The following SORCS2 variants were observed in gnomAD, a reference collection of about 807,000 sequenced individuals.
SORCS2 encodes VPS10 domain-containing receptor SorCS2.
In SORCS2, 100 loss-of-function variants were observed where a neutral mutation model predicts 141.6. That is an observed-to-expected ratio of 0.71 (90% CI 0.60 to 0.83). The LOEUF is 0.83. SORCS2 is among the 40% of genes least tolerant of loss of function. The probability of loss-of-function intolerance (pLI) is 0.00; values close to 1 mark genes in which losing one functional copy is unlikely to be tolerated. For missense variants in SORCS2, 1,646 were observed against 1,560.2 expected (o/e 1.05, Z -0.93); for synonymous variants, 789 against 676.9 (o/e 1.17, Z -2.57).
chr4:7,734,670 G>A (rs974919055), intron 25 of SORCS2, among the ~76,000 whole-genome samples: 1 of 152,196 alleles, frequency 6.6e-6, no homozygotes, highest in African/African-American at 2.4e-5. Flanking sequence ...CACCTCACAG[G>A]GAGGACACTG....
intron 2 of SORCS2, among the ~76,000 whole-genome samples, chr4:7,510,325 C>G (rs1333999913): frequency 6.6e-6 from 1 of 152,220 alleles, no homozygotes; most frequent in African/African-American, 2.4e-5. Context: ...CCCTGCCCTC[C>G]CCAGCTGTGG....
intron 1 of SORCS2, among the ~76,000 whole-genome samples, chr4:7,342,441 A>G (rs932455041): frequency 3.9e-5 from 6 of 152,206 alleles, no homozygotes; most frequent in Non-Finnish European, 7.3e-5. Flanking sequence ...CAGATTCCAC[A>G]GCCGGCCCTG....
chr4:7,488,434 C>A (rs1019128510), intron 2 of SORCS2, among the ~76,000 whole-genome samples: 1 of 152,220 alleles, frequency 6.6e-6, no homozygotes, highest in Non-Finnish European at 1.5e-5. Flanking sequence ...GAGCACTTGT[C>A]CCCATGAGCG....
intron 1 of SORCS2, among the ~76,000 whole-genome samples, chr4:7,302,742 G>A (rs1264620201): frequency 7.1e-6 from 1 of 141,306 alleles, no homozygotes; most frequent in African/African-American, 2.5e-5. Context: ...TGAGAGCAGT[G>A]TCCGGCATCT....
chr4:7,335,748 G>T (rs1719941421), intron 1 of SORCS2, among the ~76,000 whole-genome samples: 1 of 152,256 alleles, frequency 6.6e-6, no homozygotes, highest in African/African-American at 2.4e-5. Context: ...CAAGGAGGTT[G>T]AAAGACTTGC....
intron 3 of SORCS2, among the ~76,000 whole-genome samples, chr4:7,576,067 A>C (rs1372584983): frequency 6.6e-6 from 1 of 152,236 alleles, no homozygotes; most frequent in Non-Finnish European, 1.5e-5. Context: ...ACTGGTGCAC[A>C]GCTGTGTGTG....
rs114783374 is a variant in SORCS2 at position 7,558,074 on chromosome 4, T to A, written c.648+26445T>A. Among the ~76,000 whole-genome samples the A allele has an allele frequency of 2.3e-3, 353 of 152,092 alleles. 2 individuals are homozygous for A. The highest frequency in any genetic ancestry group is 8.1e-3 in the African/African-American group (338 of 41,482). ...GGAGGAGGTGTTGAGTGAGGAGGGGTCCTGGAGCTCTGTCACTGCCCACTG... is the reference window on the plus strand; with the variant it reads ...GGAGGAGGTGTTGAGTGAGGAGGGGACCTGGAGCTCTGTCACTGCCCACTG... On this transcript the variant is annotated intron_variant, in intron 3 of 26. Coordinates refer to ENST00000507866, the MANE Select transcript of SORCS2 (RefSeq NM_020777.3).
At chr4:7,724,669 A>G (rs1426461862) in intron 19 of SORCS2, among the ~76,000 whole-genome samples, 1 of 122,284 alleles carries the variant, frequency 8.2e-6, no homozygotes, top group Non-Finnish European at 1.8e-5. Flanking sequence ...TATGGTGATA[A>G]TGGTGGTAGT....
chr4:7,606,180 T>G (rs1718050543), intron 3 of SORCS2, among the ~76,000 whole-genome samples: 1 of 152,166 alleles, frequency 6.6e-6, no homozygotes, highest in South Asian at 2.1e-4. Flanking sequence ...GATGGAAAGA[T>G]CTTACCTGAC....
At chr4:7,597,058 T>TA (rs1348420706) in intron 3 of SORCS2, among the ~76,000 whole-genome samples, 2 of 149,326 alleles carry the variant, frequency 1.3e-5, no homozygotes, top group Non-Finnish European at 3.0e-5. Flanking sequence ...CTCCGTGAGA[T>TA]AAAAAATCAA....
chr4:7,481,153 C>T (rs567099204), intron 2 of SORCS2, among the ~76,000 whole-genome samples: 1 of 152,248 alleles, frequency 6.6e-6, no homozygotes, highest in Non-Finnish European at 1.5e-5. Context: ...CCTCTTTACC[C>T]AGCATGCACC....
At chr4:7,321,837 G>A (rs1392294224) in intron 1 of SORCS2, among the ~76,000 whole-genome samples, 1 of 152,222 alleles carries the variant, frequency 6.6e-6, no homozygotes. Flanking sequence ...CATGGAATGA[G>A]CCAGGGCCTG....
intron 9 of SORCS2, among the ~76,000 whole-genome samples, chr4:7,680,619 A>T (rs184357869): frequency 1.3e-5 from 2 of 152,354 alleles, no homozygotes; most frequent in Admixed American, 6.5e-5. Flanking sequence ...ACAGCATCCT[A>T]TGCAGATAAT....
chr4:7,356,260 G>C (rs886107923), intron 1 of SORCS2, among the ~76,000 whole-genome samples: 7 of 152,166 alleles, frequency 4.6e-5, no homozygotes, highest in African/African-American at 7.2e-5. Flanking sequence ...TGCCTTATTC[G>C]GTTTGTTTTC....
intron 2 of SORCS2, among the ~76,000 whole-genome samples, chr4:7,441,705 C>T (rs74201436): frequency 0.14 from 17,117 of 124,668 alleles, 1,886 homozygotes; most frequent in East Asian, 0.27. Context: ...TTGTCATCCA[C>T]CTCCTCCCCT....
rs2189369 is a variant in SORCS2 at position 7,665,963 on chromosome 4, G to T, written c.1072-1161G>T. Among the ~76,000 whole-genome samples the T allele has an allele frequency of 8.3e-3, 1,265 of 152,300 alleles. 22 individuals are homozygous for T. The highest frequency in any genetic ancestry group is 0.027 in the African/African-American group (1,110 of 41,558). On this transcript the variant is annotated intron_variant, in intron 7 of 26. Transcript: ENST00000507866. ...CTGGGGAACCTGGGCATCTCAGAGA[G>T]GTTAGGAGGGCCTGATTGTCAGGTG...
rs182171641 is a variant in SORCS2, at chr4:7,472,629, C to T, written c.549-58901C>T. On this transcript the variant is annotated intron_variant, in intron 2 of 26. Coordinates refer to ENST00000507866, the MANE Select transcript of SORCS2 (RefSeq NM_020777.3). ...CCGAATGTTTCTTTCACACACGCCG[C>T]GCTTCTGGGAAGGACACGGGAGGGC... Among the ~76,000 whole-genome samples, 12 of 152,258 alleles carry T rather than the reference C, an allele frequency of 7.9e-5. No individual in the cohort carries two copies. The South Asian group carries it at 1.4e-3, about 18-fold the overall frequency.
At chr4:7,518,248 G>A (rs1312384506) in intron 2 of SORCS2, among the ~76,000 whole-genome samples, 2 of 152,196 alleles carry the variant, frequency 1.3e-5, no homozygotes, top group Admixed American at 6.5e-5. Flanking sequence ...GGATTGCTAC[G>A]TTTCTATCTA....
At chr4:7,425,259 G>T (rs193075814) in intron 2 of SORCS2, among the ~76,000 whole-genome samples, 142 of 152,304 alleles carry the variant, frequency 9.3e-4, no homozygotes, top group African/African-American at 3.3e-3. Flanking sequence ...CGGCTCCAGA[G>T]ACCCCAGGAC....
Sources: gnomAD v4.1 joint callset for allele counts (sites outside exome capture counted in the v4.1 genomes callset) on GRCh38, gnomAD v4.1.1 for gene constraint, MANE v1.5 for transcripts, NCBI Gene and HGNC (gene_info 2026-07-23, HGNC 2026-07-21) for gene names.